CNTN1: variants seen among roughly 807,000 people sequenced by gnomAD.
CNTN1 encodes the protein contactin 1.
In CNTN1, 38 loss-of-function variants were observed where a neutral mutation model predicts 126.4. That is an observed-to-expected ratio of 0.30 (90% confidence interval 0.23 to 0.39). CNTN1 has a LOEUF of 0.39. CNTN1 is among the 10% of genes least tolerant of loss of function. The pLI is 1.00. For synonymous variants in CNTN1, 413 were observed against 422.6 expected, an observed-to-expected ratio of 0.98 and a Z score of 0.28; for missense variants, 1,009 against 1,248.4, an observed-to-expected ratio of 0.81 and a Z score of 2.89.
At chr12:40,905,675 G>C (rs1370276918) in intron 1 of CNTN1, among the ~76,000 whole-genome samples, 1 of 151,976 alleles carries the variant, frequency 6.6e-6, no homozygotes, top group African/African-American at 2.4e-5. Flanking sequence ...TTTTTACAAA[G>C]TCAATTGCTT....
chr12:40,928,662 ATGT>A (rs1267648296), intron 6 of CNTN1, among the ~76,000 whole-genome samples: 2 of 152,074 alleles, frequency 1.3e-5, no homozygotes, highest in African/African-American at 4.8e-5. Context: ...GCCTGTCTTG[ATGT>A]TGTATTTTGC....
At chr12:40,809,282 A>T (rs753832707) in intron 1 of CNTN1, among the ~76,000 whole-genome samples, 22 of 152,162 alleles carry the variant, frequency 1.4e-4, no homozygotes, top group Admixed American at 1.2e-3. Context: ...TTTCAAGATA[A>T]AACTCCTTAT....
At chr12:40,975,968 A>G (rs1003696983) in intron 15 of CNTN1, among the ~76,000 whole-genome samples, 2 of 152,168 alleles carry the variant, frequency 1.3e-5, no homozygotes, top group African/African-American at 4.8e-5. Context: ...AGCGTAATAA[A>G]ATGTATTTCA....
chr12:40,957,091 A>T (rs549537254), intron 14 of CNTN1, among the ~76,000 whole-genome samples: 2 of 152,170 alleles, frequency 1.3e-5, no homozygotes, highest in South Asian at 4.1e-4. Flanking sequence ...GCCAAATGCT[A>T]TCAAGAAGTC....
At chr12:40,723,021 A>G (rs1174949643) in intron 1 of CNTN1, among the ~76,000 whole-genome samples, 2 of 152,112 alleles carry the variant, frequency 1.3e-5, no homozygotes, top group Non-Finnish European at 2.9e-5. Context: ...TAGGCAAGTT[A>G]CTTAAAATCT....
chr12:40,780,794 CT>C (rs879333628), intron 1 of CNTN1, among the ~76,000 whole-genome samples: 90 of 142,914 alleles, frequency 6.3e-4, no homozygotes, highest in Admixed American at 3.9e-3. Context: ...ATTCAAGCCT[CT>C]TTTTTTTTTT....
At chr12:40,937,946 A>G (rs557045898) in intron 11 of CNTN1, among the ~76,000 whole-genome samples, 2 of 152,330 alleles carry the variant, frequency 1.3e-5, no homozygotes, top group Admixed American at 6.5e-5. Context: ...TTAGAAGTGC[A>G]GAATCCCAGG....
At chr12:40,712,715 T>C (rs1941952764) in intron 1 of CNTN1, among the ~76,000 whole-genome samples, 1 of 152,188 alleles carries the variant, frequency 6.6e-6, no homozygotes, top group Non-Finnish European at 1.5e-5. Context: ...AGCTGATTGA[T>C]ATAACTCAAT....
chr12:40,851,953 G>C (rs1246344066), intron 1 of CNTN1, among the ~76,000 whole-genome samples: 1 of 152,138 alleles, frequency 6.6e-6, no homozygotes, highest in Non-Finnish European at 1.5e-5. Flanking sequence ...GGCCCTCTGA[G>C]GTGAAAAGGA....
At chr12:40,964,815 G>T (rs942310757) in intron 15 of CNTN1, among the ~76,000 whole-genome samples, 9 of 152,010 alleles carry the variant, frequency 5.9e-5, no homozygotes, top group Admixed American at 1.3e-4. Flanking sequence ...GTCAGTATAC[G>T]TTTTAGCTGG....
At chr12:40,731,931 T>C (rs1382152771) in intron 1 of CNTN1, among the ~76,000 whole-genome samples, 1 of 152,046 alleles carries the variant, frequency 6.6e-6, no homozygotes, top group African/African-American at 2.4e-5. Flanking sequence ...ATAACATGCA[T>C]GTATTACTTT....
At chr12:40,765,939 A>G (rs541576105) in intron 1 of CNTN1, among the ~76,000 whole-genome samples, 2 of 152,240 alleles carry the variant, frequency 1.3e-5, no homozygotes, top group African/African-American at 4.8e-5. Flanking sequence ...AGTCCTGGGC[A>G]AAAGATATAT....
At chr12:40,935,047 C>A (rs558698123) in intron 9 of CNTN1, among the ~76,000 whole-genome samples, 227 of 152,098 alleles carry the variant, frequency 1.5e-3, no homozygotes, top group African/African-American at 4.0e-3. Context: ...CATCTGTGAA[C>A]CCCATCTCCA....
At position 41,020,344 on chromosome 12, in the gene CNTN1, T is replaced by C; in HGVS notation, c.2427T>C (p.Ser809=). 1 of 1,608,912 alleles carries C rather than the reference T, an allele frequency of 6.2e-7. No homozygotes were observed. Among genetic ancestry groups the C allele is most frequent in the African/African-American group, 1.3e-5 (1 of 74,928 alleles). Residue 809 remains serine (S), a synonymous_variant, in exon 20 of 24, where the codon AGT becomes AGC. Transcript: ENST00000551295. ...GTTCTCATAAAATTTCAGCTCCCAG[T>C]GAAGCCCCAACAGAAGTAGGTGTAA... is the stretch of plus-strand genomic sequence containing the variant. ...AVINSAQDAP[S]EAPTEVGVKV...
chr12:40,721,096 T>A (rs1316070066), intron 1 of CNTN1, among the ~76,000 whole-genome samples: 2 of 152,058 alleles, frequency 1.3e-5, no homozygotes, highest in Admixed American at 6.6e-5. Flanking sequence ...AGAAAACAAA[T>A]GCATTAGTTG....
chr12:40,823,951 C>T (rs1283413897), intron 1 of CNTN1, among the ~76,000 whole-genome samples: 2 of 152,046 alleles, frequency 1.3e-5, no homozygotes, highest in Non-Finnish European at 2.9e-5. Flanking sequence ...TCACCATATC[C>T]TTACATTTGC....
In CNTN1 at chr12:40,924,287, C is replaced by CAG. The variant is rs1159791500; in HGVS notation, c.401-269_401-268dup. ...TCCCTAAGTCTGAAACAAAAGTCTTCAGGATATTTGTGATTTTCAGGGTTG... is the reference window on the plus strand; with the variant it reads ...TCCCTAAGTCTGAAACAAAAGTCTTCAGAGGATATTTGTGATTTTCAGGGTTG... On this transcript the variant is annotated intron_variant, in intron 5 of 23. Coordinates refer to ENST00000551295, the MANE Select transcript of CNTN1 (RefSeq NM_001843.4). Among the ~76,000 whole-genome samples, 12 of 152,210 alleles carry CAG rather than the reference C, an allele frequency of 7.9e-5. No individual in the cohort carries two copies. The South Asian group carries it at 1.2e-3, about 16-fold the overall frequency.
At chr12:40,990,387 C>A (rs937709385) in intron 16 of CNTN1, among the ~76,000 whole-genome samples, 1 of 152,062 alleles carries the variant, frequency 6.6e-6, no homozygotes, top group Non-Finnish European at 1.5e-5. Flanking sequence ...GAGTTTTATG[C>A]GTCTTTGGAC....
chr12:40,958,351 ATGTGTG>A (rs34419027), intron 14 of CNTN1, among the ~76,000 whole-genome samples: 86 of 147,088 alleles, frequency 5.8e-4, no homozygotes, highest in South Asian at 1.1e-3. Flanking sequence ...GTGTGTATAT[ATGTGTG>A]TGTGTGTGTG....
Sources: allele counts gnomAD v4.1 joint callset (sites outside exome capture counted in the v4.1 genomes callset), GRCh38; gene constraint gnomAD v4.1.1; transcripts MANE v1.5; gene names NCBI Gene and HGNC (gene_info 2026-07-23, HGNC 2026-07-21).